Variants in TTLL5 observed in about 807,000 individuals in gnomAD.
The protein encoded by TTLL5 is tubulin tyrosine ligase like 5, also known as tubulin polyglutamylase TTLL5.
TTLL5 carries 132 observed loss-of-function variants against 168.4 expected under a neutral mutation model. That is an observed-to-expected ratio of 0.78 (90% CI 0.68 to 0.91). TTLL5 has a LOEUF of 0.91. Among genes scored for constraint, TTLL5 ranks in the 40% least tolerant of loss-of-function variants. The pLI, the probability that TTLL5 is intolerant of heterozygous loss-of-function variation, is 0.00. For synonymous variants in TTLL5, 546 were observed against 558.6 expected (o/e 0.98, Z 0.32); for missense variants, 1,545 against 1,581.5 (o/e 0.98, Z 0.39).
At chr14:75,674,470 A>C (rs7158039) in intron 3 of TTLL5, among the ~76,000 whole-genome samples, 137,799 of 152,258 alleles carry the variant, frequency 0.91, 62,475 homozygotes, top group South Asian at 0.94. Context: ...TAGATGCCAA[A>C]TTGGTTTTTT....
chr14:75,751,595 T>A (rs1188168728), intron 17 of TTLL5, among the ~76,000 whole-genome samples: 2 of 152,198 alleles, frequency 1.3e-5, no homozygotes, highest in Non-Finnish European at 2.9e-5. Context: ...TTATGAATTA[T>A]CTCTGGAATT....
At chr14:75,873,827 G>A (rs1024186674) in intron 29 of TTLL5, among the ~76,000 whole-genome samples, 8 of 152,036 alleles carry the variant, frequency 5.3e-5, no homozygotes, top group African/African-American at 1.9e-4. Flanking sequence ...AAATATACAT[G>A]GCATTATGAT....
In TTLL5 at chr14:75,733,401, T is replaced by C. The variant is rs190060024; in HGVS notation, c.1125-588T>C. On this transcript the variant is annotated intron_variant, in intron 13 of 31. Coordinates refer to ENST00000298832, the MANE Select transcript of TTLL5 (RefSeq NM_015072.5). Reference sequence around the variant, plus strand: ...GCCTCTTGCTTTTGGTCGATGTTGTTTTTGTTTTCATGTGGGTTCCCGCCC... The same window carrying C: ...GCCTCTTGCTTTTGGTCGATGTTGTCTTTGTTTTCATGTGGGTTCCCGCCC... Among the ~76,000 whole-genome samples the C allele has an allele frequency of 3.9e-5, 6 of 152,278 alleles. 1 individual carries two copies. The East Asian group carries it at 1.2e-3, about 29-fold the overall frequency.
intron 28 of TTLL5, among the ~76,000 whole-genome samples, chr14:75,823,247 C>T (rs1894937325): frequency 1.3e-5 from 2 of 152,154 alleles, no homozygotes; most frequent in South Asian, 4.1e-4. Context: ...TTCAAGCTGC[C>T]TTTTAATTAT....
rs540038451 is a variant in TTLL5 at position 75,925,088 on chromosome 14, G to A, written c.3823+22864G>A. On this transcript the variant is annotated intron_variant, in intron 31 of 31. Transcript: ENST00000298832. ...GATGGGGCGGCTGGTCGGGCGGGGG[G>A]CTGACCCCCCAACCTCCCTCCCGGA... Among the ~76,000 whole-genome samples, 1,110 of 146,498 alleles carry A rather than the reference G, an allele frequency of 7.6e-3. 58 individuals are homozygous for A. Among genetic ancestry groups the A allele is most frequent in the African/African-American group, 0.028 (1,068 of 38,496 alleles).
intron 28 of TTLL5, among the ~76,000 whole-genome samples, chr14:75,849,768 A>G (rs1379670672): frequency 6.6e-6 from 1 of 152,248 alleles, no homozygotes; most frequent in East Asian, 1.9e-4. Flanking sequence ...TTGTGAGCAC[A>G]AAAGAGAAAT....
intron 28 of TTLL5, chr14:75,838,286 G>A (rs1478913002): frequency 6.6e-6 from 1 of 151,324 alleles, no homozygotes; most frequent in Non-Finnish European, 1.5e-5. Context: ...TGGGCGTGGT[G>A]GCTCACACCT....
At position 75,941,221 on chromosome 14, in the gene TTLL5, G is replaced by A. The variant is rs534346203; in HGVS notation, c.3824-13203G>A. Among the ~76,000 whole-genome samples, 9 of 152,296 alleles carry A rather than the reference G, an allele frequency of 5.9e-5. No homozygotes were observed. In the East Asian group the frequency reaches 1.7e-3, roughly 29 times the overall value. On this transcript the variant is annotated intron_variant, in intron 31 of 31. Transcript: ENST00000298832. ...AACAAACCCCTTGCAGCTGTGCCCG[G>A]CGCCTTTGTGACAACCCAGGCAAGG...
chr14:75,698,916 A>G (rs1886061822), intron 6 of TTLL5, among the ~76,000 whole-genome samples: 1 of 152,018 alleles, frequency 6.6e-6, no homozygotes. Context: ...AAAAAAAAAA[A>G]AAAGAAAAGG....
intron 13 of TTLL5, 122 bp from the exon 14 acceptor site, chr14:75,733,867 G>T: frequency 2.3e-6 from 2 of 868,564 alleles, no homozygotes; most frequent in Non-Finnish European, 3.7e-6. Context: ...GGATTTTATG[G>T]GCTTTATGTG....
rs527501322 is a variant in TTLL5 at position 75,712,693 on chromosome 14, T to TC, written c.740+4986_740+4987insC. On this transcript the variant is annotated intron_variant, in intron 9 of 31. Coordinates refer to ENST00000298832, the MANE Select transcript of TTLL5 (RefSeq NM_015072.5). Reference sequence around the variant, plus strand: ...TAATGTTTGCCAAGTCCCTACCATATGCCAAACATTGAAATCTTTTCTCCA... The same window carrying TC: ...TAATGTTTGCCAAGTCCCTACCATATCGCCAAACATTGAAATCTTTTCTCCA... Among the ~76,000 whole-genome samples, 287 of 152,096 alleles carry TC rather than the reference T, an allele frequency of 1.9e-3. 1 individual carries two copies. The highest frequency in any genetic ancestry group is 3.3e-3 in the Non-Finnish European group (223 of 67,992).
At chr14:75,717,548 T>A (rs1286802992) in intron 9 of TTLL5, among the ~76,000 whole-genome samples, 1 of 152,230 alleles carries the variant, frequency 6.6e-6, no homozygotes, top group Non-Finnish European at 1.5e-5. Context: ...AGAAGCAATG[T>A]CTTGTTGTGA....
intron 31 of TTLL5, among the ~76,000 whole-genome samples, chr14:75,934,376 G>T (rs558999905): frequency 6.6e-6 from 1 of 152,252 alleles, no homozygotes; most frequent in Admixed American, 6.5e-5. Context: ...CAACTTTTAC[G>T]TGATACTGTA....
chr14:75,723,252 G>T (rs565517865), intron 12 of TTLL5, among the ~76,000 whole-genome samples: 1 of 152,278 alleles, frequency 6.6e-6, no homozygotes, highest in Admixed American at 6.5e-5. Flanking sequence ...ACCATACCCA[G>T]TTGCATGTCA....
chr14:75,671,219 G>A (rs1360083452), intron 3 of TTLL5, among the ~76,000 whole-genome samples: 1 of 152,196 alleles, frequency 6.6e-6, no homozygotes, highest in Non-Finnish European at 1.5e-5. Context: ...GACCATAGGT[G>A]TATGGGTTTA....
chr14:75,895,993 A>G (rs973650620), intron 30 of TTLL5, among the ~76,000 whole-genome samples: 3 of 152,204 alleles, frequency 2.0e-5, no homozygotes, highest in Non-Finnish European at 4.4e-5. Flanking sequence ...TCAGGAATGA[A>G]GAGGACTATA....
intron 27 of TTLL5, among the ~76,000 whole-genome samples, chr14:75,810,995 C>G (rs765686953): frequency 5.9e-5 from 9 of 151,976 alleles, no homozygotes; most frequent in Non-Finnish European, 8.8e-5. Context: ...TCCCTTGTGG[C>G]CCAGGCAAAA....
intron 29 of TTLL5, among the ~76,000 whole-genome samples, chr14:75,869,429 C>G (rs1020283038): frequency 6.6e-6 from 1 of 152,128 alleles, no homozygotes; most frequent in Admixed American, 6.5e-5. Flanking sequence ...ACTTTTAAAA[C>G]CTCATTTTCC....
intron 31 of TTLL5, among the ~76,000 whole-genome samples, chr14:75,954,031 G>A (rs1411476086): frequency 6.6e-6 from 1 of 151,910 alleles, no homozygotes; most frequent in African/African-American, 2.4e-5. Flanking sequence ...GGCAGATCAC[G>A]AGGTCAGGAG....
Sources: gnomAD v4.1 joint callset for allele counts (sites outside exome capture counted in the v4.1 genomes callset) on GRCh38, gnomAD v4.1.1 for gene constraint, MANE v1.5 for transcripts, NCBI Gene and HGNC (gene_info 2026-07-23, HGNC 2026-07-21) for gene names.